SIL1: variants seen among roughly 807,000 people sequenced by gnomAD.
SIL1 encodes the protein nucleotide exchange factor SIL1.
A neutral mutation model predicts 49.1 loss-of-function variants in SIL1; 40 were observed. The ratio of observed to expected loss-of-function variants is 0.81; its 90% CI spans 0.63 to 1.06. The LOEUF is 1.06. SIL1 is among the 50% of genes least tolerant of loss of function. The pLI is 0.00. For synonymous variants in SIL1, 253 were observed against 250.8 expected (o/e 1.01, Z -0.08); for missense variants, 500 against 572.6 (o/e 0.87, Z 1.29).
chr5:138,986,195 AT>A (rs1652786967), intron 7 of SIL1, among the ~76,000 whole-genome samples: 1 of 152,214 alleles, frequency 6.6e-6, no homozygotes, highest in East Asian at 1.9e-4. Flanking sequence ...GCAAAATTAA[AT>A]TAAAATTCTC....
At chr5:138,975,196 A>G (rs1767369478) in intron 7 of SIL1, among the ~76,000 whole-genome samples, 3 of 152,160 alleles carry the variant, frequency 2.0e-5, no homozygotes, top group Non-Finnish European at 1.5e-5. Context: ...CAAGAAGCCT[A>G]TAGGAAGGGG....
chr5:139,150,188 A>G (rs1161261863), intron 1 of SIL1, among the ~76,000 whole-genome samples: 1 of 152,184 alleles, frequency 6.6e-6, no homozygotes, highest in Non-Finnish European at 1.5e-5. Flanking sequence ...GATAACTTCA[A>G]CAGAAAAGCA....
At chr5:139,190,342 G>T (rs141837167) in intron 1 of SIL1, among the ~76,000 whole-genome samples, 23 of 152,316 alleles carry the variant, frequency 1.5e-4, no homozygotes, top group African/African-American at 5.3e-4. Context: ...TTCCTCTGAG[G>T]TAAGAGCAAG....
intron 3 of SIL1, among the ~76,000 whole-genome samples, chr5:139,107,518 A>T (rs1020225949): frequency 1.3e-5 from 2 of 152,216 alleles, no homozygotes; most frequent in African/African-American, 2.4e-5. Flanking sequence ...GTAGTAACTA[A>T]ACTATAGACT....
intron 6 of SIL1, among the ~76,000 whole-genome samples, chr5:139,026,183 T>C (rs1023843823): frequency 6.6e-6 from 1 of 152,216 alleles, no homozygotes; most frequent in Non-Finnish European, 1.5e-5. Flanking sequence ...TTTAATTAAT[T>C]TGTTCAATTG....
At chr5:139,160,600 A>C (rs1421779457) in intron 1 of SIL1, among the ~76,000 whole-genome samples, 2 of 152,214 alleles carry the variant, frequency 1.3e-5, no homozygotes, top group Admixed American at 6.5e-5. Flanking sequence ...GCAGTTTGGG[A>C]GGCCGAGGCA....
At chr5:139,129,588 C>T (rs540839500) in intron 1 of SIL1, among the ~76,000 whole-genome samples, 4 of 152,322 alleles carry the variant, frequency 2.6e-5, no homozygotes, top group African/African-American at 9.6e-5. Context: ...CGGAGTATGG[C>T]GTGCACCCAG....
At chr5:139,005,613 C>G (rs1581023300) in intron 7 of SIL1, among the ~76,000 whole-genome samples, 1 of 101,468 alleles carries the variant, frequency 9.9e-6, no homozygotes, top group Middle Eastern at 4.6e-3. Context: ...TCCCCCCACC[C>G]CACCACAGTC....
At chr5:138,977,667 A>C (rs560820984) in intron 7 of SIL1, among the ~76,000 whole-genome samples, 55 of 152,240 alleles carry the variant, frequency 3.6e-4, no homozygotes, top group Admixed American at 5.9e-4. Flanking sequence ...AATGTAAATC[A>C]GATCTTGTTA....
intron 7 of SIL1, among the ~76,000 whole-genome samples, chr5:138,964,679 A>C (rs1304223158): frequency 6.6e-6 from 1 of 152,254 alleles, no homozygotes; most frequent in African/African-American, 2.4e-5. Flanking sequence ...AAGATTCAGC[A>C]ATTGTTGCTG....
intron 1 of SIL1, among the ~76,000 whole-genome samples, chr5:139,168,897 G>A (rs1226685144): frequency 6.6e-6 from 1 of 151,572 alleles, no homozygotes; most frequent in East Asian, 1.9e-4. Context: ...AGGAAGTTAA[G>A]GCTGTAGTGA....
At chr5:138,952,007 G>T in intron 7 of SIL1, 123 bp from the exon 8 acceptor site, 1 of 885,792 alleles carries the variant, frequency 1.1e-6, no homozygotes, top group Non-Finnish European at 1.8e-6. Context: ...TCCCACACGG[G>T]GCAAGTCAAA....
chr5:138,969,501 TC>T (rs1327179921), intron 7 of SIL1, among the ~76,000 whole-genome samples: 1 of 152,150 alleles, frequency 6.6e-6, no homozygotes, highest in Non-Finnish European at 1.5e-5. Flanking sequence ...GTTTGGCCAC[TC>T]TCCTCCTGCA....
intron 7 of SIL1, among the ~76,000 whole-genome samples, chr5:138,988,733 C>G (rs758115682): frequency 5.3e-5 from 8 of 152,046 alleles, no homozygotes; most frequent in Non-Finnish European, 1.0e-4. Context: ...ATTGGCCAGG[C>G]ATGGTGGTAC....
chr5:139,046,036 C>T (rs976049623), intron 4 of SIL1, among the ~76,000 whole-genome samples: 1 of 152,208 alleles, frequency 6.6e-6, no homozygotes, highest in African/African-American at 2.4e-5. Flanking sequence ...TGCCTAAAAT[C>T]TTCCAATGGC....
chr5:139,167,033 C>T (rs978806572), intron 1 of SIL1, among the ~76,000 whole-genome samples: 1 of 152,056 alleles, frequency 6.6e-6, no homozygotes. Context: ...AGGATGGTCT[C>T]GATCTCCTGA....
intron 1 of SIL1, among the ~76,000 whole-genome samples, chr5:139,135,782 C>A (rs1362046781): frequency 6.6e-6 from 1 of 150,748 alleles, no homozygotes; most frequent in Non-Finnish European, 1.5e-5. Context: ...TCACATGACA[C>A]AATCGGGCAT....
At chr5:139,105,063 G>A (rs1490320224) in intron 3 of SIL1, among the ~76,000 whole-genome samples, 5 of 152,162 alleles carry the variant, frequency 3.3e-5, no homozygotes, top group Admixed American at 1.3e-4. Context: ...CTCGCTCTCC[G>A]TACACACAGC....
chr5:139,133,063 C>CA (rs11302256), intron 1 of SIL1, among the ~76,000 whole-genome samples: 9 of 148,442 alleles, frequency 6.1e-5, no homozygotes, highest in Non-Finnish European at 9.0e-5. Context: ...GCATACCCTG[C>CA]AAAAAAAAAA....
Sources: gnomAD v4.1 joint callset for allele counts (sites outside exome capture counted in the v4.1 genomes callset) on GRCh38, gnomAD v4.1.1 for gene constraint, MANE v1.5 for transcripts, NCBI Gene and HGNC (gene_info 2026-07-23, HGNC 2026-07-21) for gene names.